ROS1: variants seen among roughly 807,000 people sequenced by gnomAD.
The protein encoded by ROS1 is proto-oncogene tyrosine-protein kinase ROS.
A neutral mutation model predicts 273.5 loss-of-function variants in ROS1; 263 were observed. The observed-to-expected ratio is 0.96, with a 90% confidence interval of 0.87 to 1.06. The LOEUF (loss-of-function observed/expected upper bound fraction) is 1.06, where lower values mean the gene tolerates loss of function less well. Among genes scored for constraint, ROS1 ranks in the 50% least tolerant of loss-of-function variants. The pLI, the probability that ROS1 is intolerant of heterozygous loss-of-function variation, is 0.00. For synonymous variants in ROS1, 1,008 were observed against 954.1 expected, an observed-to-expected ratio of 1.06 and a Z score of -1.04; for missense variants, 2,833 against 2,751.1, an observed-to-expected ratio of 1.03 and a Z score of -0.67.
At chr6:117,375,027 T>C (rs1056318412) in intron 18 of ROS1, among the ~76,000 whole-genome samples, 2 of 152,210 alleles carry the variant, frequency 1.3e-5, no homozygotes, top group African/African-American at 2.4e-5. Flanking sequence ...CAATTCATGA[T>C]TGCAAAAATA....
chr6:117,332,729 T>G (rs1777174950), intron 32 of ROS1, among the ~76,000 whole-genome samples: 1 of 152,056 alleles, frequency 6.6e-6, no homozygotes, highest in South Asian at 2.1e-4. Flanking sequence ...ATTGAACAAC[T>G]TGCTCCTGAA....
At chr6:117,411,236 T>C (rs768112398) in intron 4 of ROS1, among the ~76,000 whole-genome samples, 38 of 151,274 alleles carry the variant, frequency 2.5e-4, no homozygotes, top group Non-Finnish European at 4.7e-4. Flanking sequence ...TCTCTCTCTC[T>C]CTCTCTTTCT....
chr6:117,371,333 GAGA>G (rs1249568841), intron 18 of ROS1, among the ~76,000 whole-genome samples: 2 of 152,158 alleles, frequency 1.3e-5, no homozygotes, highest in Non-Finnish European at 2.9e-5. Context: ...CAGATCATGG[GAGA>G]AGGATTTGAC....
chr6:117,292,428 C>T (rs1773906279), intron 43 of ROS1, among the ~76,000 whole-genome samples: 1 of 152,210 alleles, frequency 6.6e-6, no homozygotes, highest in South Asian at 2.1e-4. Flanking sequence ...TTCTAAGCCT[C>T]TCTCCTCTGG....
chr6:117,393,414 G>T, intron 11 of ROS1, 93 bp from the exon 12 acceptor site: 2 of 851,426 alleles, frequency 2.3e-6, no homozygotes, highest in Non-Finnish European at 1.9e-6. Flanking sequence ...TGTTCTGTTG[G>T]AATTGTACTA....
At chr6:117,383,238 A>G in intron 17 of ROS1, 79 bp downstream of exon 17, 1 of 1,137,264 alleles carries the variant, frequency 8.8e-7, no homozygotes, top group Non-Finnish European at 1.3e-6. Context: ...TTAAGTACTC[A>G]CAATAAGCGA....
intron 28 of ROS1, among the ~76,000 whole-genome samples, chr6:117,343,084 T>C (rs1460149415): frequency 6.8e-6 from 1 of 146,828 alleles, no homozygotes; most frequent in Non-Finnish European, 1.5e-5. Flanking sequence ...GCAGAGTGTT[T>C]TGTTTTTTTT....
At position 117,357,908 on chromosome 6, in the gene ROS1, T is replaced by C. The variant is rs142616933; in HGVS notation, c.3735A>G (p.Gln1245=). 6.8e-6 allele frequency: 11 copies of C among 1,613,530 alleles called. No homozygotes were observed. The highest frequency in any genetic ancestry group is 8.5e-6 in the Non-Finnish European group (10 of 1,179,538). Residue 1245 remains glutamine (Q), a synonymous_variant, in exon 25 of 44, where the codon CAA becomes CAG. Transcript: ENST00000368507. ...TGTGTTCAAGATCAACATCAAATAC[T>C]TGCATTCCATTTTGTGATTCTTTCA... ...FALKESQNGM[Q]VFDVDLEHKV...
intron 17 of ROS1, among the ~76,000 whole-genome samples, chr6:117,381,833 T>C (rs1772175782): frequency 6.6e-6 from 1 of 152,162 alleles, no homozygotes; most frequent in African/African-American, 2.4e-5. Context: ...CTGTTTTCCA[T>C]AGAGGTTGTA....
intron 18 of ROS1, among the ~76,000 whole-genome samples, chr6:117,370,007 G>A (rs1180762734): frequency 6.6e-6 from 1 of 152,044 alleles, no homozygotes; most frequent in East Asian, 1.9e-4. Context: ...ATATGGATAT[G>A]AATGTATGTG....
intron 18 of ROS1, among the ~76,000 whole-genome samples, chr6:117,369,907 G>A (rs3798382): frequency 0.2 from 30,992 of 151,840 alleles, 3,573 homozygotes; most frequent in Admixed American, 0.34. Flanking sequence ...ATGCATCCAC[G>A]TGCATACACA....
chr6:117,345,296 T>G (rs2128627717), intron 27 of ROS1, among the ~76,000 whole-genome samples: 1 of 152,340 alleles, frequency 6.6e-6, no homozygotes, highest in South Asian at 2.1e-4. Context: ...AAGCCTCAAT[T>G]CATGCATCAT....
chr6:117,327,639 CA>C (rs1169512736), intron 33 of ROS1, among the ~76,000 whole-genome samples: 2 of 151,938 alleles, frequency 1.3e-5, no homozygotes, highest in Non-Finnish European at 2.9e-5. Flanking sequence ...AACTTAAGTT[CA>C]AAAAAGGAAA....
At chr6:117,318,713 A>G (rs977404592) in intron 37 of ROS1, among the ~76,000 whole-genome samples, 1 of 152,108 alleles carries the variant, frequency 6.6e-6, no homozygotes, top group African/African-American at 2.4e-5. Flanking sequence ...GTGATGGTCA[A>G]TGGCATATAA....
chr6:117,352,734 G>A (rs1778976046), intron 27 of ROS1, among the ~76,000 whole-genome samples: 2 of 152,152 alleles, frequency 1.3e-5, no homozygotes, highest in Non-Finnish European at 2.9e-5. Flanking sequence ...AAGAGGCCAG[G>A]CAGAGAGAAC....
chr6:117,318,115 T>G, intron 38 of ROS1, 73 bp downstream of exon 38: 2 of 1,031,920 alleles, frequency 1.9e-6, no homozygotes, highest in Non-Finnish European at 3.0e-6. Context: ...TCATGTCATT[T>G]TGGGTGTTAA....
intron 18 of ROS1, among the ~76,000 whole-genome samples, chr6:117,366,753 A>T (rs1225079378): frequency 6.6e-6 from 1 of 152,116 alleles, no homozygotes; most frequent in African/African-American, 2.4e-5. Context: ...ACCTCAAGTG[A>T]TCTGACTGCC....
rs778378154 is a variant in ROS1 at position 117,387,847 on chromosome 6, C to A, written c.1932G>T (p.Val644=). 8.1e-6 allele frequency: 13 copies of A among 1,614,184 alleles called. No homozygotes were observed. In the South Asian group the frequency reaches 1.1e-4, roughly 14 times the overall value. The part of the protein sequence containing the change: ...LQSAMKYKVS[V]RASSPKRPGP... ...CTGGCCTCTTTGGAGAACTTGCTCT[C>A]ACAGAAACCTTGTATTTCATAGCAC... is the stretch of plus-strand genomic sequence containing the variant. Residue 644 remains valine (V), a synonymous_variant, in exon 14 of 44, where the codon GTG becomes GTT. Transcript: ENST00000368507.
At chr6:117,422,114 A>G (rs954377577) in intron 1 of ROS1, among the ~76,000 whole-genome samples, 2 of 152,088 alleles carry the variant, frequency 1.3e-5, no homozygotes, top group Non-Finnish European at 2.9e-5. Flanking sequence ...TGCTCAATCA[A>G]TCCTCCCACC....
Sources: gnomAD v4.1 joint callset for allele counts (sites outside exome capture counted in the v4.1 genomes callset) on GRCh38, gnomAD v4.1.1 for gene constraint, MANE v1.5 for transcripts, NCBI Gene and HGNC (gene_info 2026-07-23, HGNC 2026-07-21) for gene names.